The following NIBAN2 variants were observed in gnomAD, a reference collection of about 807,000 sequenced individuals.
NIBAN2 encodes niban apoptosis regulator 2, also known as protein Niban 2.
NIBAN2 carries 36 observed loss-of-function variants against 81.8 expected under a neutral mutation model. That is an observed-to-expected ratio of 0.44 (90% CI 0.34 to 0.58). The LOEUF is 0.58. Among genes scored for constraint, NIBAN2 ranks in the 20% least tolerant of loss-of-function variants. The pLI, the probability that NIBAN2 is intolerant of heterozygous loss-of-function variation, is 0.02. For synonymous variants in NIBAN2, 445 were observed against 441.6 expected (o/e 1.01, Z -0.10); for missense variants, 897 against 1,014.1 (o/e 0.88, Z 1.57).
rs191624649 is a variant in NIBAN2 at position 127,508,887 on chromosome 9, G to A, written c.1317+89C>T. 6,015 of 1,451,298 alleles carry A rather than the reference G, an allele frequency of 4.1e-3. 15 individuals carry two copies. The highest frequency in any genetic ancestry group is 5.1e-3 in the Non-Finnish European group (5,337 of 1,040,654). 89.9% of individuals were successfully genotyped at this position (1,451,298 alleles called of 1,614,324 possible). On this transcript the variant is annotated intron_variant, in intron 10 of 13. Transcript: ENST00000373312. This position sits in a 1 kb window ranked among gnomAD's most constrained non-coding sequence, Gnocchi z 6.4. ...CAGGCAAGCGTGGCTATGGCATGAC[G>A]GGACGGAGCAGAAGGGACCCCCTGG...
Position 127,508,383 on chromosome 9 carries a change from C to T in NIBAN2, c.1434+39G>A, listed in dbSNP as rs763265006. 166 of 1,536,344 alleles carry T rather than the reference C, an allele frequency of 1.1e-4. No individual in the cohort carries two copies. Among genetic ancestry groups the T allele is most frequent in the Non-Finnish European group, 1.2e-4 (134 of 1,120,298 alleles). On this transcript the variant is annotated intron_variant, in intron 11 of 13. Coordinates refer to ENST00000373312, the MANE Select transcript of NIBAN2 (RefSeq NM_022833.4). This position sits in a 1 kb window ranked among gnomAD's most constrained non-coding sequence, Gnocchi z 6.4. ...GGGGATGAGGCTCGGGGCTCGGCCT[C>T]GCCTAGGACGGTCCGGGGCAGGGCG...
chr9:127,517,731 C>T lies in NIBAN2; in HGVS notation c.705+95G>A. The T allele has an allele frequency of 1.1e-6, 1 of 881,224 alleles. No homozygotes were observed. The allele number at this position is 881,224 out of a possible 1,614,324, so 54.6% of individuals were successfully genotyped here. Reference sequence around the variant, plus strand: ...GTCATCTCCTTCCAAACCGGCAGCGCCCCAGAGCCCCATCTCTGTACCCCA... The same window carrying T: ...GTCATCTCCTTCCAAACCGGCAGCGTCCCAGAGCCCCATCTCTGTACCCCA... On this transcript the variant is annotated intron_variant, in intron 6 of 13. Transcript: ENST00000373312. The surrounding 1 kb of genome is among the most constrained non-coding windows in gnomAD (Gnocchi z 4.0).
chr9:127,569,907 G>A (rs1837927100), upstream of NIBAN2, among the ~76,000 whole-genome samples: 1 of 152,178 alleles, frequency 6.6e-6, no homozygotes, highest in African/African-American at 2.4e-5. Flanking sequence ...ATCAAAACCC[G>A]GAGACCGACA....
chr9:127,564,596 G>T (rs1285333360), intron 1 of NIBAN2, among the ~76,000 whole-genome samples: 1 of 152,148 alleles, frequency 6.6e-6, no homozygotes, highest in Admixed American at 6.6e-5. Context: ...TTATAGGTTG[G>T]GCGTGGTGGC....
chr9:127,523,496 G>A (rs1836999719), intron 5 of NIBAN2, among the ~76,000 whole-genome samples, 183 bp downstream of exon 5: 1 of 151,778 alleles, frequency 6.6e-6, no homozygotes, highest in Non-Finnish European at 1.5e-5. Context: ...GCACAAAACT[G>A]TTTTCATCAA....
chr9:127,507,708 C>T lies in NIBAN2; in HGVS notation c.1654+159G>A, dbSNP rs1444747060. 6.6e-6 allele frequency among the ~76,000 whole-genome samples: 1 copy of T among 152,212 alleles called. No individual in the cohort carries two copies. Among genetic ancestry groups the T allele is most frequent in the African/African-American group, 2.4e-5 (1 of 41,448 alleles). On this transcript the variant is annotated intron_variant, in intron 13 of 13. Coordinates refer to ENST00000373312, the MANE Select transcript of NIBAN2 (RefSeq NM_022833.4). The surrounding 1 kb of genome is among the most constrained non-coding windows in gnomAD (Gnocchi z 6.8). ...GCACAGAGACGCAAGGCTAAGGCTG[C>T]TCCGGAGGCCACACAGCGAAGAGTG...
chr9:127,560,167 A>T (rs1042484321), intron 1 of NIBAN2, among the ~76,000 whole-genome samples: 1 of 152,134 alleles, frequency 6.6e-6, no homozygotes, highest in Admixed American at 6.5e-5. Flanking sequence ...GAGGAGTGGG[A>T]GCAGAGGCTG....
At chr9:127,520,825 A>T (rs1019711486) in intron 5 of NIBAN2, among the ~76,000 whole-genome samples, 1 of 152,124 alleles carries the variant, frequency 6.6e-6, no homozygotes, top group South Asian at 2.1e-4. Context: ...CGGAGGTTGC[A>T]GTGAGCCGAG....
Position 127,531,732 on chromosome 9 carries a change from G to A in NIBAN2, c.102C>T (p.Asp34=), listed in dbSNP as rs1435612860. The A allele has an allele frequency of 5.0e-6, 8 of 1,614,068 alleles. No homozygotes were observed. The highest frequency in any genetic ancestry group is 6.8e-6 in the Non-Finnish European group (8 of 1,180,036). ...ILTEFLQFYE[D]QYGVALFNSM... is the part of the protein sequence containing the mutation. ...TGTTGAAGAGAGCCACGCCATACTG[G>A]TCTTCATAGAACTGGAGGAACTCCG... Residue 34 remains aspartate, a synonymous_variant, in exon 2 of 14, where the codon GAC becomes GAT. Coordinates refer to ENST00000373312, the MANE Select transcript of NIBAN2 (RefSeq NM_022833.4).
At chr9:127,515,793 G>A (rs1836819182) in intron 8 of NIBAN2, among the ~76,000 whole-genome samples, 1 of 152,020 alleles carries the variant, frequency 6.6e-6, no homozygotes, top group African/African-American at 2.4e-5. Flanking sequence ...CCCAGATTGT[G>A]CCACTGCACT....
At position 127,508,802 on chromosome 9, in the gene NIBAN2, T is replaced by A. The variant is rs1027974817; in HGVS notation, c.1317+174A>T. 6.6e-6 allele frequency among the ~76,000 whole-genome samples: 1 copy of A among 151,078 alleles called. No individual in the cohort carries two copies. The highest frequency in any genetic ancestry group is 2.4e-5 in the African/African-American group (1 of 40,998). On this transcript the variant is annotated intron_variant, in intron 10 of 13. Transcript: ENST00000373312. The surrounding 1 kb of genome is among the most constrained non-coding windows in gnomAD (Gnocchi z 6.4). ...TCTAAGCTGAGACCTGGGAAGTGAG[T>A]CAGAATTAGCCAGGTGGGCAGAGGC...
chr9:127,551,246 G>C (rs920175027), intron 1 of NIBAN2, among the ~76,000 whole-genome samples: 1 of 152,116 alleles, frequency 6.6e-6, no homozygotes. Flanking sequence ...AAATTGGCAG[G>C]GTGCTGTGGC....
chr9:127,505,946 G>A lies in NIBAN2; in HGVS notation c.*899C>T, dbSNP rs1836585654. ...CCCAGGCAACCACTGAGGACCTCGGGGTGGCCTGTAGAAGACAGAACCCAG... is the reference window on the plus strand; with the variant it reads ...CCCAGGCAACCACTGAGGACCTCGGAGTGGCCTGTAGAAGACAGAACCCAG... On this transcript the variant is annotated 3_prime_UTR_variant, in exon 14 of 14. Coordinates refer to ENST00000373312, the MANE Select transcript of NIBAN2 (RefSeq NM_022833.4). 6.6e-6 allele frequency: 1 copy of A among 152,410 alleles called. No homozygotes were observed. 9.4% of individuals were successfully genotyped at this position (152,410 alleles called of 1,614,324 possible).
intron 5 of NIBAN2, among the ~76,000 whole-genome samples, chr9:127,520,121 G>T (rs764875260): frequency 6.6e-6 from 1 of 152,042 alleles, no homozygotes; most frequent in African/African-American, 2.4e-5. Flanking sequence ...AGCTCTTCCC[G>T]TGAGCCTAGC....
chr9:127,524,859 A>T, intron 4 of NIBAN2, 199 bp downstream of exon 4: 2 of 551,020 alleles, frequency 3.6e-6, no homozygotes, highest in Non-Finnish European at 3.2e-6. Context: ...AGGGAAGGTC[A>T]CTGAACATCT....
chr9:127,560,866 T>C (rs1837761229), intron 1 of NIBAN2, among the ~76,000 whole-genome samples: 1 of 152,172 alleles, frequency 6.6e-6, no homozygotes, highest in African/African-American at 2.4e-5. Context: ...TTGGAAGGCA[T>C]CTTGAGACCC....
intron 1 of NIBAN2, among the ~76,000 whole-genome samples, chr9:127,577,408 TCCAA>T (rs1285658606): frequency 7.3e-5 from 11 of 151,086 alleles, no homozygotes; most frequent in African/African-American, 2.4e-4. Flanking sequence ...ATCCTCCAGA[TCCAA>T]TACCCCACAC....
intron 8 of NIBAN2, 101 bp from the exon 9 acceptor site, chr9:127,510,434 CATT>C (rs1269264833): frequency 1.2e-5 from 9 of 730,232 alleles, no homozygotes; most frequent in Non-Finnish European, 1.8e-5. Flanking sequence ...CTATTATTAT[CATT>C]ATTATTATAT....
chr9:127,576,781 G>A (rs1838013895), intron 1 of NIBAN2, among the ~76,000 whole-genome samples: 1 of 150,202 alleles, frequency 6.7e-6, no homozygotes, highest in South Asian at 2.1e-4. Context: ...GTCTTGCTCT[G>A]TCACCAGGCT....
Sources: gnomAD v4.1 joint callset for allele counts (sites outside exome capture counted in the v4.1 genomes callset) on GRCh38, gnomAD v4.1.1 for gene constraint, Gnocchi (gnomAD v3.1) non-coding constraint, MANE v1.5 for transcripts, NCBI Gene and HGNC (gene_info 2026-07-23, HGNC 2026-07-21) for gene names.